Variants in GGCT observed in about 807,000 individuals in gnomAD.
The protein encoded by GGCT is cytochrome c-releasing factor 21.
GGCT carries 20 observed loss-of-function variants against 22.1 expected under a neutral mutation model. The ratio of observed to expected loss-of-function variants is 0.91; its 90% CI spans 0.64 to 1.32. GGCT has a LOEUF of 1.32. Ranked by LOEUF, GGCT falls within the 40% of genes most tolerant of loss-of-function variation. GGCT has a pLI of 0.00. For missense variants in GGCT, 209 were observed against 223.5 expected, an observed-to-expected ratio of 0.94 and a Z score of 0.41; for synonymous variants, 72 against 78.4, an observed-to-expected ratio of 0.92 and a Z score of 0.43.
chr7:30,504,791 G>T lies in GGCT; in HGVS notation c.-82C>A, dbSNP rs563056663. ...GCGCAACACTGGGGCCCACTACCCC[G>T]GCGCAGTGACCGCCGCGCGGCAGCC... On this transcript the variant is annotated 5_prime_UTR_variant, in exon 1 of 4. Coordinates refer to ENST00000275428, the MANE Select transcript of GGCT (RefSeq NM_024051.4). 7.8e-6 allele frequency: 11 copies of T among 1,417,536 alleles called. No individual in the cohort carries two copies. The highest frequency in any genetic ancestry group is 1.8e-5 in the Admixed American group (1 of 56,922). The allele number at this position is 1,417,536 out of a possible 1,614,324, so 87.8% of individuals were successfully genotyped here.
chr7:30,497,767 G>A (rs999568265), intron 3 of GGCT: 5 of 1,445,300 alleles, frequency 3.5e-6, no homozygotes, highest in South Asian at 1.5e-5. Context: ...GACCTGATTG[G>A]GCCTGCCAAC....
At position 30,500,533 on chromosome 7, in the gene GGCT, T is replaced by C; in HGVS notation, c.287+3A>G. On this transcript the variant is annotated splice_donor_region_variant and intron_variant, in intron 2 of 3. Transcript: ENST00000275428. ...GTTTAACTTATAATTAGAAGCCACCTACTCATCCAGAGAATTTAAATTGCT... is the reference window on the plus strand; with the variant it reads ...GTTTAACTTATAATTAGAAGCCACCCACTCATCCAGAGAATTTAAATTGCT... 1 of 1,608,978 alleles carries C rather than the reference T, an allele frequency of 6.2e-7. No homozygotes were observed. Among genetic ancestry groups the C allele is most frequent in the East Asian group, 2.2e-5 (1 of 44,836 alleles).
intron 3 of GGCT, chr7:30,498,026 T>TATATATATATATAA (rs68111355): frequency 4.6e-6 from 1 of 219,396 alleles, no homozygotes; most frequent in Non-Finnish European, 9.2e-6. Context: ...TATATATAGA[T>TATATATATATATAA]ACACACACAC....
At chr7:30,497,643 G>T in intron 3 of GGCT, 2 of 605,022 alleles carry the variant, frequency 3.3e-6, no homozygotes, top group Non-Finnish European at 5.0e-6. Context: ...GGGAATAAAT[G>T]GCAACTGTGT....
Position 30,504,657 on chromosome 7 carries a change from A to G in GGCT, c.53T>C (p.Leu18Pro). Residue 18 changes from leucine (L) to proline (P), a missense_variant, in exon 1 of 4, where the codon CTG becomes CCG. Physicochemically the swap from Leu to Pro is moderately conservative, Grantham distance 98. Coordinates refer to ENST00000275428, the MANE Select transcript of GGCT (RefSeq NM_024051.4). ...CAGGTTGCTGCCGTAGGCAAAGTAC[A>G]GAAAACTCTCCTCATCTGGACCCGT... ...DVTGPDEESF[L>P]YFAYGSNLLT... 6.2e-7 allele frequency: 1 copy of G among 1,614,130 alleles called. No individual in the cohort carries two copies.
intron 3 of GGCT, 140 bp downstream of exon 3, chr7:30,498,663 C>A: frequency 2.8e-6 from 2 of 724,644 alleles, no homozygotes; most frequent in South Asian, 3.6e-5. Flanking sequence ...AGGTGATCTG[C>A]CCGCCCCAGC....
At chr7:30,502,117 T>A (rs977510457) in intron 1 of GGCT, among the ~76,000 whole-genome samples, 1 of 152,238 alleles carries the variant, frequency 6.6e-6, no homozygotes, top group Admixed American at 6.5e-5. Flanking sequence ...CATTACCTGA[T>A]TTTTAAATGT....
chr7:30,496,996 G>T lies in GGCT; in HGVS notation c.*96C>A. On this transcript the variant is annotated 3_prime_UTR_variant, in exon 4 of 4. Transcript: ENST00000275428. ...ACTCCTTCAGAGCACTGCTGAAAAT[G>T]GATCAAACGTGGAGATCCCCCAGAT... is the stretch of plus-strand genomic sequence containing the variant. 1.3e-6 allele frequency: 1 copy of T among 764,396 alleles called. No homozygotes were observed. 47.4% of individuals were successfully genotyped at this position (764,396 alleles called of 1,614,324 possible). A position where few individuals can be genotyped will look rare whatever the true frequency, so the allele number is the denominator to read the frequency against.
At chr7:30,504,506 C>G in intron 1 of GGCT, 63 bp downstream of exon 1, 1 of 1,590,402 alleles carries the variant, frequency 6.3e-7, no homozygotes, top group South Asian at 1.1e-5. Flanking sequence ...CACGTGTGCC[C>G]CCGAGGAAGC....
intron 3 of GGCT, among the ~76,000 whole-genome samples, 160 bp downstream of exon 3, chr7:30,498,643 T>G: frequency 6.6e-6 from 1 of 152,148 alleles, no homozygotes; most frequent in African/African-American, 2.4e-5. Context: ...GGTCTCAAAC[T>G]CCTAACTTCA....
rs749023003 is a variant in GGCT, at chr7:30,498,905, T to C, written c.321A>G (p.Val107=). ...QEGVKSGMYV[V]IEVKVATQEG... ...CTTGAGTTGCAACTTTAACTTCTATTACAACATACATTCCACTTTTAACCC... is the reference window on the plus strand; with the variant it reads ...CTTGAGTTGCAACTTTAACTTCTATCACAACATACATTCCACTTTTAACCC... The change falls in exon 3 of 4, where the codon GTA becomes GTG. Residue 107 remains valine (V), a synonymous_variant. Transcript: ENST00000275428. 1.1e-4 allele frequency: 180 copies of C among 1,613,660 alleles called. No homozygotes were observed. Among genetic ancestry groups the C allele is most frequent in the Non-Finnish European group, 1.5e-4 (174 of 1,179,710 alleles).
intron 2 of GGCT, among the ~76,000 whole-genome samples, chr7:30,499,616 G>A (rs909282136): frequency 1.3e-5 from 2 of 151,990 alleles, no homozygotes; most frequent in African/African-American, 4.8e-5. Context: ...GGAGGCTGAG[G>A]CGGGAGAATC....
chr7:30,497,998 T>C (rs1160986880), intron 3 of GGCT: 5 of 298,368 alleles, frequency 1.7e-5, no homozygotes, highest in Non-Finnish European at 3.2e-5. Context: ...AGAAAAACAT[T>C]ACAAAAGCAT....
Position 30,497,002 on chromosome 7 carries a change from A to G in GGCT, c.*90T>C. Reference sequence around the variant, plus strand: ...TCAGAGCACTGCTGAAAATGGATCAAACGTGGAGATCCCCCAGATCCCTGT... The same window carrying G: ...TCAGAGCACTGCTGAAAATGGATCAGACGTGGAGATCCCCCAGATCCCTGT... On this transcript the variant is annotated 3_prime_UTR_variant, in exon 4 of 4. Coordinates refer to ENST00000275428, the MANE Select transcript of GGCT (RefSeq NM_024051.4). 3.7e-6 allele frequency: 3 copies of G among 819,678 alleles called. No individual in the cohort carries two copies. The highest frequency in any genetic ancestry group is 5.6e-6 in the Non-Finnish European group (3 of 534,778). The allele number at this position is 819,678 out of a possible 1,614,324, so 50.8% of individuals were successfully genotyped here. A position where few individuals can be genotyped will look rare whatever the true frequency, so the allele number is the denominator to read the frequency against.
At chr7:30,498,964 A>G (rs899505834) in intron 2 of GGCT, 26 bp from the exon 3 acceptor site, 25 of 1,612,376 alleles carry the variant, frequency 1.6e-5, no homozygotes, top group Non-Finnish European at 2.0e-5. Context: ...CCAAATTTTA[A>G]CCACATTTGA....
chr7:30,497,782 A>G, intron 3 of GGCT: 1 of 1,459,476 alleles, frequency 6.9e-7, no homozygotes, highest in Non-Finnish European at 9.2e-7. Flanking sequence ...GCCAACAGAG[A>G]GCTAAGCTTA....
intron 1 of GGCT, among the ~76,000 whole-genome samples, chr7:30,504,346 G>A (rs1295506590): frequency 1.3e-5 from 2 of 152,266 alleles, no homozygotes; most frequent in African/African-American, 4.8e-5. Context: ...CAAAGGCCAG[G>A]AGGGGGAAAG....
chr7:30,502,706 A>G (rs1011512346), intron 1 of GGCT, among the ~76,000 whole-genome samples: 2 of 152,166 alleles, frequency 1.3e-5, no homozygotes, highest in Non-Finnish European at 2.9e-5. Flanking sequence ...TTCACACTCA[A>G]TCACTATGCT....
intron 1 of GGCT, 131 bp from the exon 2 acceptor site, chr7:30,500,812 A>C (rs1367183575): frequency 1.6e-6 from 1 of 626,848 alleles, no homozygotes; most frequent in Admixed American, 3.1e-5. Flanking sequence ...TCTATGCATA[A>C]GAAGCTGTGG....
Sources: allele counts gnomAD v4.1 joint callset (sites outside exome capture counted in the v4.1 genomes callset), GRCh38; gene constraint gnomAD v4.1.1; transcripts MANE v1.5; gene names NCBI Gene and HGNC (gene_info 2026-07-23, HGNC 2026-07-21).